Variants in PIP5K1B observed in about 807,000 individuals in gnomAD.
PIP5K1B encodes the protein phosphatidylinositol 4-phosphate 5-kinase type-1 beta.
Under a neutral mutation model 67.0 loss-of-function variants are expected in PIP5K1B, and 42 were observed. The ratio of observed to expected loss-of-function variants is 0.63; its 90% CI spans 0.49 to 0.81. The LOEUF (loss-of-function observed/expected upper bound fraction) is 0.81. Ranked by LOEUF, PIP5K1B falls within the 30% of genes least tolerant of loss-of-function variation. The probability of loss-of-function intolerance (pLI) is 0.00; values close to 1 mark genes in which losing one functional copy is unlikely to be tolerated. For synonymous variants in PIP5K1B, 214 were observed against 231.4 expected, an observed-to-expected ratio of 0.92 and a Z score of 0.68; for missense variants, 459 against 646.3, an observed-to-expected ratio of 0.71 and a Z score of 3.14.
intron 2 of PIP5K1B, among the ~76,000 whole-genome samples, chr9:68,806,942 GT>G (rs10550941): frequency 0.18 from 23,695 of 130,320 alleles, 1,445 homozygotes; most frequent in East Asian, 0.34. Flanking sequence ...TTTGGCCTTG[GT>G]TTTTTTTTTT....
At chr9:68,802,010 T>C (rs1253959942) in intron 2 of PIP5K1B, among the ~76,000 whole-genome samples, 1 of 152,246 alleles carries the variant, frequency 6.6e-6, no homozygotes, top group Non-Finnish European at 1.5e-5. Context: ...GATTGATGGC[T>C]CCTTTTATTT....
chr9:68,934,948 T>C lies in PIP5K1B; in HGVS notation c.1260T>C (p.Thr420=). ...RCNSIAALKA[T]SQEIVSSISQ... ...ATTCAATCGCCGCCCTAAAGGCCAC[T>C]TCACAGGAGATTGTGTCCTCAATTA... Residue 420 remains threonine (T), a synonymous_variant, in exon 13 of 16, where the codon ACT becomes ACC. Coordinates refer to ENST00000265382, the MANE Select transcript of PIP5K1B (RefSeq NM_003558.4). The C allele has an allele frequency of 1.9e-6, 3 of 1,613,622 alleles. No individual in the cohort carries two copies. The highest frequency in any genetic ancestry group is 2.5e-6 in the Non-Finnish European group (3 of 1,179,656).
At chr9:68,715,771 G>A (rs2132249386) in intron 1 of PIP5K1B, among the ~76,000 whole-genome samples, 1 of 152,298 alleles carries the variant, frequency 6.6e-6, no homozygotes, top group South Asian at 2.1e-4. Context: ...GAAATGCACA[G>A]AGATCATGAA....
intron 5 of PIP5K1B, among the ~76,000 whole-genome samples, chr9:68,874,310 G>GT (rs1398205103): frequency 6.6e-6 from 1 of 152,100 alleles, no homozygotes; most frequent in African/African-American, 2.4e-5. Context: ...TGATTTAGTG[G>GT]TTTTTTTGAA....
intron 7 of PIP5K1B, among the ~76,000 whole-genome samples, chr9:68,891,725 A>G (rs1007377090): frequency 1.3e-5 from 2 of 152,224 alleles, no homozygotes; most frequent in African/African-American, 4.8e-5. Context: ...CATTTTGCTC[A>G]TGAAAGTAAA....
intron 14 of PIP5K1B, among the ~76,000 whole-genome samples, chr9:68,956,071 T>C (rs1266319171): frequency 6.6e-6 from 1 of 152,190 alleles, no homozygotes; most frequent in Non-Finnish European, 1.5e-5. Flanking sequence ...ATAAAAAACA[T>C]AATAACTTGA....
chr9:68,963,374 A>T (rs989196862), intron 14 of PIP5K1B: 2 of 349,626 alleles, frequency 5.7e-6, no homozygotes, highest in African/African-American at 4.3e-5. Context: ...GTGGTGGTGC[A>T]TGCCTGTAAC....
intron 1 of PIP5K1B, among the ~76,000 whole-genome samples, chr9:68,707,112 G>A (rs916822908): frequency 1.3e-5 from 2 of 152,130 alleles, no homozygotes; most frequent in African/African-American, 2.4e-5. Flanking sequence ...TCTCTGAGCG[G>A]AGGGAAACGG....
intron 4 of PIP5K1B, chr9:68,824,006 A>G: frequency 4.3e-6 from 2 of 466,004 alleles, no homozygotes; most frequent in Admixed American, 2.2e-5. Flanking sequence ...AGAGTTGGGT[A>G]AAGATTCAAG....
intron 14 of PIP5K1B, among the ~76,000 whole-genome samples, chr9:68,974,791 C>T (rs575002121): frequency 2.6e-5 from 4 of 152,298 alleles, no homozygotes; most frequent in Admixed American, 1.3e-4. Context: ...TCTGTGAGAG[C>T]GAAGCTGCTT....
chr9:68,912,031 A>G (rs1461833776), intron 8 of PIP5K1B, among the ~76,000 whole-genome samples: 1 of 152,128 alleles, frequency 6.6e-6, no homozygotes, highest in African/African-American at 2.4e-5. Context: ...CTTTAAGAAG[A>G]TCTCAAATCT....
At chr9:68,865,841 C>T (rs973107840) in intron 5 of PIP5K1B, among the ~76,000 whole-genome samples, 2 of 152,214 alleles carry the variant, frequency 1.3e-5, no homozygotes, top group Non-Finnish European at 2.9e-5. Flanking sequence ...ATTCTCAGCA[C>T]AGAAAGGTTT....
intron 4 of PIP5K1B, among the ~76,000 whole-genome samples, chr9:68,832,338 G>A (rs1197556818): frequency 6.6e-6 from 1 of 152,196 alleles, no homozygotes; most frequent in East Asian, 1.9e-4. Flanking sequence ...CACAGAAAGA[G>A]TCACAACTCA....
At chr9:68,998,628 T>C (rs745654975) in intron 15 of PIP5K1B, among the ~76,000 whole-genome samples, 2 of 152,134 alleles carry the variant, frequency 1.3e-5, no homozygotes, top group Non-Finnish European at 2.9e-5. Context: ...TGGTGTGAAC[T>C]TGGGGTCTGC....
At chr9:68,953,442 T>TGGA (rs1221926224) in intron 14 of PIP5K1B, among the ~76,000 whole-genome samples, 2 of 152,190 alleles carry the variant, frequency 1.3e-5, no homozygotes, top group African/African-American at 4.8e-5. Context: ...GTAGTCTACA[T>TGGA]GTTCTATACT....
intron 14 of PIP5K1B, among the ~76,000 whole-genome samples, chr9:68,942,012 C>G (rs999973667): frequency 6.6e-6 from 1 of 152,164 alleles, no homozygotes; most frequent in Non-Finnish European, 1.5e-5. Context: ...CTGTTCTGCT[C>G]TAAGGGCCAA....
At chr9:68,924,830 AT>A (rs1279924607) in intron 12 of PIP5K1B, among the ~76,000 whole-genome samples, 1 of 151,828 alleles carries the variant, frequency 6.6e-6, no homozygotes, top group Non-Finnish European at 1.5e-5. Flanking sequence ...CAATGTAAAC[AT>A]TTTGGAAAAT....
chr9:68,815,753 A>C (rs1326366436), intron 2 of PIP5K1B, among the ~76,000 whole-genome samples: 1 of 152,118 alleles, frequency 6.6e-6, no homozygotes, highest in Non-Finnish European at 1.5e-5. Context: ...GTTCAATATC[A>C]CTTATGAAAA....
intron 4 of PIP5K1B, among the ~76,000 whole-genome samples, chr9:68,825,378 T>C (rs1440086243): frequency 6.6e-6 from 1 of 152,208 alleles, no homozygotes; most frequent in Non-Finnish European, 1.5e-5. Context: ...TCCACCAGCA[T>C]GATGCATGAG....
Sources: gnomAD v4.1 joint callset for allele counts (sites outside exome capture counted in the v4.1 genomes callset) on GRCh38, gnomAD v4.1.1 for gene constraint, MANE v1.5 for transcripts, NCBI Gene and HGNC (gene_info 2026-07-23, HGNC 2026-07-21) for gene names.